HOOK1: variants seen among roughly 807,000 people sequenced by gnomAD.
HOOK1 encodes hook microtubule tethering protein 1.
In HOOK1, 60 loss-of-function variants were observed where a neutral mutation model predicts 112.8. The ratio of observed to expected loss-of-function variants is 0.53; its 90% CI spans 0.43 to 0.66. The LOEUF (loss-of-function observed/expected upper bound fraction) is 0.66, where lower values mean the gene tolerates loss of function less well. Among genes scored for constraint, HOOK1 ranks in the 30% least tolerant of loss-of-function variants. The probability of loss-of-function intolerance (pLI) is 0.00; values close to 1 mark genes in which losing one functional copy is unlikely to be tolerated. For missense variants in HOOK1, 770 were observed against 856.0 expected, an observed-to-expected ratio of 0.90 and a Z score of 1.25; for synonymous variants, 294 against 283.8, an observed-to-expected ratio of 1.04 and a Z score of -0.36.
chr1:59,819,175 A>T (rs1275522268), intron 1 of HOOK1, among the ~76,000 whole-genome samples: 2 of 121,220 alleles, frequency 1.6e-5, no homozygotes, highest in African/African-American at 6.8e-5. Flanking sequence ...TTTGAGGCGA[A>T]GTCTCACTCT....
chr1:59,846,512 T>C (rs888177135), intron 9 of HOOK1, among the ~76,000 whole-genome samples: 8 of 143,492 alleles, frequency 5.6e-5, no homozygotes, highest in Non-Finnish European at 1.2e-4. Context: ...TCCCTCCCTT[T>C]CTTCCTTCCT....
Position 59,872,792 on chromosome 1 carries a change from C to A in HOOK1, c.2017-3C>A. 3 of 1,365,414 alleles carry A rather than the reference C, an allele frequency of 2.2e-6. No homozygotes were observed. Among genetic ancestry groups the A allele is most frequent in the South Asian group, 1.9e-5 (1 of 53,924 alleles). The allele number at this position is 1,365,414 out of a possible 1,614,324, so 84.6% of individuals were successfully genotyped here. A position where few individuals can be genotyped will look rare whatever the true frequency, so the allele number is the denominator to read the frequency against. ...ATAAAAAATATATGTTTTTTTTTTT[C>A]AGAGTCTAGCATTCCAGAAACTGGG... On this transcript the variant is annotated splice_polypyrimidine_tract_variant and splice_region_variant and intron_variant, in intron 21 of 21. Transcript: ENST00000371208.
At position 59,848,190 on chromosome 1, in the gene HOOK1, C is replaced by T. The variant is rs1170566071; in HGVS notation, c.930-125C>T. The T allele has an allele frequency of 4.6e-6, 3 of 645,534 alleles. No individual in the cohort carries two copies. The South Asian group carries it at 7.3e-5, about 16-fold the overall frequency. The allele number at this position is 645,534 out of a possible 1,614,324, so 40.0% of individuals were successfully genotyped here. On this transcript the variant is annotated intron_variant, in intron 10 of 21. Transcript: ENST00000371208. ...CAAAGTTTACAATTTCCTCTTCTCA[C>T]TCACTCACATTTACTTTTCTTTTTT...
intron 14 of HOOK1, among the ~76,000 whole-genome samples, chr1:59,859,678 A>G (rs35870285): frequency 6.6e-6 from 1 of 151,984 alleles, no homozygotes; most frequent in East Asian, 1.9e-4. Flanking sequence ...CATTTTTTAA[A>G]AGTACATGTA....
intron 1 of HOOK1, among the ~76,000 whole-genome samples, chr1:59,818,687 A>T (rs1482474649): frequency 6.6e-6 from 1 of 152,228 alleles, no homozygotes; most frequent in East Asian, 1.9e-4. Context: ...TGGTTCTTGC[A>T]TTCTTTGACA....
At position 59,843,440 on chromosome 1, in the gene HOOK1, A is replaced by G; in HGVS notation, c.630A>G (p.Thr210=). Residue 210 remains threonine (T), a synonymous_variant, in exon 9 of 22, where the codon ACA becomes ACG. Transcript: ENST00000371208. ...RCEELDMQVT[T]LQDEKNSLVS... is the part of the protein sequence containing the mutation. ...GTGTATTTGTTTCTTAGGTGACTAC[A>G]CTTCAAGATGAAAAGAATTCACTGG... The G allele has an allele frequency of 1.9e-6, 3 of 1,607,256 alleles. No individual in the cohort carries two copies. Among genetic ancestry groups the G allele is most frequent in the Non-Finnish European group, 2.5e-6 (3 of 1,177,130 alleles).
intron 2 of HOOK1, among the ~76,000 whole-genome samples, chr1:59,823,689 C>T (rs929641306): frequency 1.3e-5 from 2 of 152,204 alleles, no homozygotes; most frequent in Non-Finnish European, 2.9e-5. Flanking sequence ...AGCTCTTTGA[C>T]CTCCTATGCT....
chr1:59,857,138 G>GT (rs758886325), intron 12 of HOOK1, among the ~76,000 whole-genome samples: 22 of 152,136 alleles, frequency 1.4e-4, no homozygotes, highest in Non-Finnish European at 2.6e-4. Context: ...AGTGACTCAG[G>GT]TCAAATCATG....
intron 10 of HOOK1, 54 bp downstream of exon 10, chr1:59,847,239 T>TATGAAATACTCAAA: frequency 7.0e-7 from 1 of 1,423,004 alleles, no homozygotes; most frequent in Non-Finnish European, 9.7e-7. Context: ...ATTTAGTCAA[T>TATGAAATACTCAAA]TTGAGTATTT....
At chr1:59,843,626 T>G (rs775973920) in intron 9 of HOOK1, 28 bp downstream of exon 9, 2 of 1,567,750 alleles carry the variant, frequency 1.3e-6, no homozygotes, top group South Asian at 2.3e-5. Context: ...AATCATTTTA[T>G]GGAGTTCTGT....
Position 59,815,072 on chromosome 1 carries a change from A to T in HOOK1, c.-46A>T, listed in dbSNP as rs909483273. The T allele has an allele frequency of 1.8e-5, 25 of 1,375,030 alleles. No individual in the cohort carries two copies. The East Asian group carries it at 3.9e-4, about 22-fold the overall frequency. The allele number at this position is 1,375,030 out of a possible 1,614,324, so 85.2% of individuals were successfully genotyped here. On this transcript the variant is annotated 5_prime_UTR_variant, in exon 1 of 22. Transcript: ENST00000371208. ...CGGCTCCTGGAGGAGAGCCGGTAGG[A>T]GGGAGTGTGAAGGTGTCCGCGGCGT...
Position 59,821,896 on chromosome 1 carries a change from C to T in HOOK1, c.102C>T (p.Val34=), listed in dbSNP as rs745393296. The stretch of plus-strand genomic sequence containing the variant: ...ATACTGCCTCACCTTGTCAAGATGT[C>T]AAACAGCTGACTAGTGGAGTTGCCA... ...TFNTASPCQD[V]KQLTSGVAMA... The change falls in exon 2 of 22, where the codon GTC becomes GTT. Residue 34 remains valine, a synonymous_variant. Transcript: ENST00000371208. The T allele has an allele frequency of 6.2e-7, 1 of 1,607,014 alleles. No individual in the cohort carries two copies.
At chr1:59,861,987 A>G (rs2098413881) in intron 15 of HOOK1, among the ~76,000 whole-genome samples, 1 of 152,196 alleles carries the variant, frequency 6.6e-6, no homozygotes, top group Non-Finnish European at 1.5e-5. Flanking sequence ...AGACCATTAA[A>G]TATTATCATC....
At chr1:59,857,188 G>A (rs1365579348) in intron 12 of HOOK1, among the ~76,000 whole-genome samples, 1 of 152,140 alleles carries the variant, frequency 6.6e-6, no homozygotes, top group African/African-American at 2.4e-5. Context: ...CTGCAAGACA[G>A]GTTAAACAGT....
At chr1:59,866,040 A>G (rs531431667) in intron 19 of HOOK1, 68 bp downstream of exon 19, 1 of 818,300 alleles carries the variant, frequency 1.2e-6, no homozygotes, top group South Asian at 1.5e-5. Flanking sequence ...ATTTCACTGG[A>G]TTTTTCTGCC....
At chr1:59,840,143 A>C (rs1460311128) in intron 7 of HOOK1, among the ~76,000 whole-genome samples, 165 bp from the exon 8 acceptor site, 3 of 152,136 alleles carry the variant, frequency 2.0e-5, no homozygotes, top group African/African-American at 4.8e-5. Context: ...TATTGGCCTA[A>C]AATTCTCTTT....
intron 1 of HOOK1, among the ~76,000 whole-genome samples, chr1:59,818,872 G>A (rs1027270108): frequency 5.9e-5 from 9 of 152,024 alleles, no homozygotes; most frequent in Admixed American, 5.2e-4. Flanking sequence ...GTTTTTGTTG[G>A]CTGTTGGTTG....
chr1:59,861,325 C>T (rs143797210), intron 15 of HOOK1, among the ~76,000 whole-genome samples: 93 of 152,288 alleles, frequency 6.1e-4, no homozygotes, highest in African/African-American at 2.2e-3. Flanking sequence ...TAGATAAGAT[C>T]TAGATTGTGG....
chr1:59,832,138 G>A (rs1181761102), intron 3 of HOOK1, 25 bp from the exon 4 acceptor site: 3 of 1,308,948 alleles, frequency 2.3e-6, no homozygotes, highest in African/African-American at 3.0e-5. Context: ...TCTGAAATAA[G>A]AATCTCTTAT....
Sources: allele counts gnomAD v4.1 joint callset (sites outside exome capture counted in the v4.1 genomes callset), GRCh38; gene constraint gnomAD v4.1.1; transcripts MANE v1.5; gene names NCBI Gene and HGNC (gene_info 2026-07-23, HGNC 2026-07-21).